The following CSMD1 variants were observed in gnomAD, a reference collection of about 807,000 sequenced individuals.
The protein encoded by CSMD1 is CUB and sushi domain-containing protein 1.
A neutral mutation model predicts 417.5 loss-of-function variants in CSMD1; 213 were observed. The observed-to-expected ratio is 0.51, with a 90% CI of 0.46 to 0.57. CSMD1 has a LOEUF of 0.57. CSMD1 is among the 20% of genes least tolerant of loss of function. The pLI, the probability that CSMD1 is intolerant of heterozygous loss-of-function variation, is 0.00. For synonymous variants in CSMD1, 2,862 were observed against 1,736.8 expected (o/e 1.65, Z -16.11); for missense variants, 6,923 against 4,529.7 (o/e 1.53, Z -15.17).
At chr8:4,435,144 T>C (rs953172900) in intron 2 of CSMD1, among the ~76,000 whole-genome samples, 7 of 152,172 alleles carry the variant, frequency 4.6e-5, no homozygotes, top group African/African-American at 1.2e-4. Flanking sequence ...GTATCAGTAA[T>C]ATATTATTTT....
At chr8:3,405,502 C>G (rs1812292187) in intron 15 of CSMD1, among the ~76,000 whole-genome samples, 1 of 152,138 alleles carries the variant, frequency 6.6e-6, no homozygotes, top group South Asian at 2.1e-4. Flanking sequence ...AATTCTGTCC[C>G]CCCAAAAAAT....
intron 3 of CSMD1, among the ~76,000 whole-genome samples, chr8:4,155,092 A>T (rs533629947): frequency 6.6e-6 from 1 of 152,298 alleles, no homozygotes; most frequent in South Asian, 2.1e-4. Flanking sequence ...AACTCATGCA[A>T]TGCCTACAGT....
Position 4,967,247 on chromosome 8 carries a change from A to G in CSMD1, c.85+27085T>C, listed in dbSNP as rs9942741. Among the ~76,000 whole-genome samples, 1,224 of 152,314 alleles carry G rather than the reference A, an allele frequency of 8.0e-3. 14 individuals are homozygous for G. The highest frequency in any genetic ancestry group is 0.028 in the African/African-American group (1,163 of 41,578). Reference sequence around the variant, plus strand: ...AAGTAAAAAATCAAAGTTGGATAATACTTAGGTTGAGTTTTTATCAATTAT... The same window carrying G: ...AAGTAAAAAATCAAAGTTGGATAATGCTTAGGTTGAGTTTTTATCAATTAT... On this transcript the variant is annotated intron_variant, in intron 1 of 69. Coordinates refer to ENST00000635120, the MANE Select transcript of CSMD1 (RefSeq NM_033225.6).
At chr8:3,735,376 C>A (rs76939176) in intron 6 of CSMD1, among the ~76,000 whole-genome samples, 578 of 152,230 alleles carry the variant, frequency 3.8e-3, no homozygotes, top group South Asian at 6.8e-3. Flanking sequence ...ACTTTTAATC[C>A]TGGAAGTTGA....
intron 2 of CSMD1, among the ~76,000 whole-genome samples, chr8:4,591,673 T>C (rs1157385415): frequency 2.0e-5 from 3 of 152,162 alleles, no homozygotes; most frequent in Non-Finnish European, 4.4e-5. Context: ...AGTGTCAGAT[T>C]GGAACAGGCC....
At chr8:3,322,409 G>C (rs181336157) in intron 23 of CSMD1, among the ~76,000 whole-genome samples, 1 of 152,020 alleles carries the variant, frequency 6.6e-6, no homozygotes, top group Non-Finnish European at 1.5e-5. Flanking sequence ...TTCAAATCTT[G>C]TACTAAGAGC....
chr8:3,929,688 G>C (rs140215042), intron 5 of CSMD1, among the ~76,000 whole-genome samples: 2 of 148,736 alleles, frequency 1.3e-5, no homozygotes, highest in African/African-American at 5.0e-5. Context: ...TTGAGATGGA[G>C]TTTCACTCTG....
At chr8:3,702,698 G>A (rs994308199) in intron 7 of CSMD1, among the ~76,000 whole-genome samples, 3 of 152,160 alleles carry the variant, frequency 2.0e-5, no homozygotes, top group Non-Finnish European at 4.4e-5. Context: ...CGGGCATCGT[G>A]GTGCATGCCT....
At position 3,947,964 on chromosome 8, in the gene CSMD1, G is replaced by A. The variant is rs139883755; in HGVS notation, c.818+49939C>T. Among the ~76,000 whole-genome samples the A allele has an allele frequency of 5.0e-3, 756 of 152,278 alleles. 1 individual carries two copies. Among genetic ancestry groups the A allele is most frequent in the Non-Finnish European group, 8.0e-3 (544 of 68,024 alleles). ...CTCATGCCTGTAATCCCAGCACTTT[G>A]GGAGGCCAAGGCAGGTGGATCACCT... On this transcript the variant is annotated intron_variant, in intron 5 of 69. Coordinates refer to ENST00000635120, the MANE Select transcript of CSMD1 (RefSeq NM_033225.6).
chr8:4,361,800 A>C (rs1039148644), intron 3 of CSMD1, among the ~76,000 whole-genome samples: 1 of 152,028 alleles, frequency 6.6e-6, no homozygotes, highest in Non-Finnish European at 1.5e-5. Context: ...CTAAAAATAC[A>C]AAAAACTAGC....
intron 3 of CSMD1, among the ~76,000 whole-genome samples, chr8:4,258,944 G>T: frequency 6.6e-6 from 1 of 152,058 alleles, no homozygotes; most frequent in East Asian, 1.9e-4. Context: ...TTATTTCATC[G>T]ACTTAATACA....
intron 3 of CSMD1, among the ~76,000 whole-genome samples, chr8:4,348,394 G>C (rs528904832): frequency 6.6e-6 from 1 of 152,140 alleles, no homozygotes; most frequent in African/African-American, 2.4e-5. Flanking sequence ...GAACGTTGCA[G>C]GTCACAGAAC....
intron 2 of CSMD1, among the ~76,000 whole-genome samples, chr8:4,592,189 C>A (rs963158680): frequency 6.6e-6 from 1 of 151,332 alleles, no homozygotes; most frequent in Non-Finnish European, 1.5e-5. Flanking sequence ...GGGTAGATTT[C>A]ATGCTCCCAA....
At chr8:3,523,343 C>A (rs75686486) in intron 10 of CSMD1, among the ~76,000 whole-genome samples, 2 of 152,204 alleles carry the variant, frequency 1.3e-5, no homozygotes, top group Non-Finnish European at 2.9e-5. Flanking sequence ...TGTGGCAACA[C>A]AGTGTCATTC....
intron 26 of CSMD1, among the ~76,000 whole-genome samples, chr8:3,258,211 C>G (rs1800800286): frequency 6.6e-6 from 1 of 152,122 alleles, no homozygotes; most frequent in East Asian, 1.9e-4. Flanking sequence ...TGAAAAATGT[C>G]TAATATCCAG....
Position 3,504,521 on chromosome 8 carries a change from A to C in CSMD1, c.1345-10795T>G, listed in dbSNP as rs77154585. ...TATCCTCATGGCAACCCTTCATAAAAACCTTGTCATGTCTGCCAGACCCAG... is the reference window on the plus strand; with the variant it reads ...TATCCTCATGGCAACCCTTCATAAACACCTTGTCATGTCTGCCAGACCCAG... On this transcript the variant is annotated intron_variant, in intron 10 of 69. Transcript: ENST00000635120. Among the ~76,000 whole-genome samples, 1,072 of 152,268 alleles carry C rather than the reference A, an allele frequency of 7.0e-3. 7 individuals are homozygous for C. The highest frequency in any genetic ancestry group is 0.011 in the Admixed American group (169 of 15,296).
intron 3 of CSMD1, among the ~76,000 whole-genome samples, chr8:4,365,885 G>A (rs983555004): frequency 1.3e-5 from 2 of 152,106 alleles, no homozygotes; most frequent in African/African-American, 4.8e-5. Flanking sequence ...ATTTTCTTTT[G>A]ATATCAAAAT....
intron 2 of CSMD1, among the ~76,000 whole-genome samples, chr8:4,625,112 T>C (rs1337858337): frequency 1.3e-5 from 2 of 152,100 alleles, no homozygotes. Flanking sequence ...GTGCCACAGA[T>C]GACAAGAGAA....
At chr8:3,063,447 CAAA>C (rs1239966180) in intron 49 of CSMD1, among the ~76,000 whole-genome samples, 1 of 152,050 alleles carries the variant, frequency 6.6e-6, no homozygotes, top group Non-Finnish European at 1.5e-5. Flanking sequence ...GGTGGTTCCT[CAAA>C]AAATTAAAAA....
Sources: gnomAD v4.1 joint callset for allele counts (sites outside exome capture counted in the v4.1 genomes callset) on GRCh38, gnomAD v4.1.1 for gene constraint, MANE v1.5 for transcripts, NCBI Gene and HGNC (gene_info 2026-07-23, HGNC 2026-07-21) for gene names.